HMGCLL1: variants seen among roughly 807,000 people sequenced by gnomAD.
The protein encoded by HMGCLL1 is 3-hydroxy-3-methylglutaryl-CoA lyase like 1, also known as 3-hydroxymethyl-3-methylglutaryl-CoA lyase, cytoplasmic.
A neutral mutation model predicts 39.1 loss-of-function variants in HMGCLL1; 36 were observed. The observed-to-expected ratio is 0.92, with a 90% confidence interval of 0.71 to 1.22. The LOEUF is 1.22. Ranked by LOEUF, HMGCLL1 falls within the 50% of genes most tolerant of loss-of-function variation. The pLI is 0.00. For synonymous variants in HMGCLL1, 149 were observed against 144.0 expected, an observed-to-expected ratio of 1.03 and a Z score of -0.25; for missense variants, 451 against 416.5, an observed-to-expected ratio of 1.08 and a Z score of -0.72.
intron 7 of HMGCLL1, among the ~76,000 whole-genome samples, chr6:55,483,829 G>T (rs1765866253): frequency 1.3e-5 from 2 of 152,046 alleles, no homozygotes; most frequent in African/African-American, 4.8e-5. Flanking sequence ...ATTGTCATGA[G>T]GACAACATAG....
chr6:55,586,049 AT>A, the HMGCLL1 span, among the ~76,000 whole-genome samples: 3 of 152,134 alleles, frequency 2.0e-5, no homozygotes, highest in Non-Finnish European at 4.4e-5. Context: ...TTAATGCTTA[AT>A]AAATACGGGG....
At position 55,435,683 on chromosome 6, in the gene HMGCLL1, T is replaced by A. The variant is rs767353214; in HGVS notation, c.1002A>T (p.Ala334=). 3.1e-5 allele frequency: 50 copies of A among 1,600,334 alleles called. 1 individual carries two copies. In the South Asian group the frequency reaches 5.4e-4, roughly 17 times the overall value. The change falls in exon 9 of 9, where the codon GCA becomes GCT. Residue 334 remains alanine (A), a synonymous_variant. Transcript: ENST00000274901. ...CAAGTCAAGCATTGAAGGAGGCTTG[T>A]GCTACTTTAGAGTTTGTGGTTTTAT... The part of the protein sequence containing the change: ...AVNKTTNSKV[A]QASFNA
At chr6:55,592,513 T>G in the HMGCLL1 span, among the ~76,000 whole-genome samples, 1 of 152,086 alleles carries the variant, frequency 6.6e-6, no homozygotes, top group Non-Finnish European at 1.5e-5. Flanking sequence ...TATTGACATT[T>G]TGGGCTTAAT....
chr6:55,663,128 T>C, the HMGCLL1 span, among the ~76,000 whole-genome samples: 1 of 151,482 alleles, frequency 6.6e-6, no homozygotes, highest in Non-Finnish European at 1.5e-5. Flanking sequence ...AAAAAAAACA[T>C]ACTCCTGAAC....
the HMGCLL1 span, among the ~76,000 whole-genome samples, chr6:55,612,804 T>C: frequency 6.6e-6 from 1 of 152,154 alleles, no homozygotes. Flanking sequence ...TAACTCAAGA[T>C]GGATTAAAGA....
chr6:55,594,520 T>C, the HMGCLL1 span, among the ~76,000 whole-genome samples: 2 of 152,234 alleles, frequency 1.3e-5, no homozygotes, highest in Non-Finnish European at 2.9e-5. Flanking sequence ...AGAATAGAGT[T>C]CTCACTTTAA....
chr6:55,611,759 T>C, the HMGCLL1 span, among the ~76,000 whole-genome samples: 2 of 152,238 alleles, frequency 1.3e-5, no homozygotes, highest in African/African-American at 4.8e-5. Flanking sequence ...GCAACATCTC[T>C]TTATGTTAAA....
At chr6:55,528,207 C>T (rs1704410297) in intron 3 of HMGCLL1, among the ~76,000 whole-genome samples, 1 of 152,022 alleles carries the variant, frequency 6.6e-6, no homozygotes, top group African/African-American at 2.4e-5. Context: ...CTGGATTAGA[C>T]ATAACTGACA....
At chr6:55,563,832 G>C (rs1332739824) in intron 1 of HMGCLL1, 2 of 1,268,154 alleles carry the variant, frequency 1.6e-6, no homozygotes, top group Admixed American at 2.3e-5. Context: ...TAGTAAAAGA[G>C]GGAGAGGTGC....
the HMGCLL1 span, among the ~76,000 whole-genome samples, chr6:55,660,464 C>G: frequency 2.0e-5 from 3 of 151,778 alleles, no homozygotes; most frequent in Non-Finnish European, 4.4e-5. Context: ...TGAAAACATG[C>G]CGTATTTGGT....
chr6:55,546,552 A>C (rs560583683), intron 1 of HMGCLL1, among the ~76,000 whole-genome samples: 15 of 152,250 alleles, frequency 9.9e-5, no homozygotes, highest in South Asian at 6.2e-4. Flanking sequence ...GAGGTGAATC[A>C]TTCAACCAAA....
chr6:55,549,719 T>C (rs999519482), intron 1 of HMGCLL1, among the ~76,000 whole-genome samples: 4 of 151,952 alleles, frequency 2.6e-5, no homozygotes, highest in Non-Finnish European at 4.4e-5. Context: ...TAAATAGTTA[T>C]TTTAATTGAG....
At chr6:55,503,575 T>C (rs1469037525) in intron 5 of HMGCLL1, among the ~76,000 whole-genome samples, 1 of 151,526 alleles carries the variant, frequency 6.6e-6, no homozygotes, top group Non-Finnish European at 1.5e-5. Flanking sequence ...GTTAGCTAAG[T>C]CCTCCATAGT....
At chr6:55,614,177 C>T in the HMGCLL1 span, among the ~76,000 whole-genome samples, 1 of 152,018 alleles carries the variant, frequency 6.6e-6, no homozygotes, top group African/African-American at 2.4e-5. Flanking sequence ...AGGATGTGGA[C>T]TGAATTCTGT....
At chr6:55,449,488 G>A (rs1482962946) in intron 7 of HMGCLL1, among the ~76,000 whole-genome samples, 4 of 152,192 alleles carry the variant, frequency 2.6e-5, no homozygotes, top group Admixed American at 6.5e-5. Flanking sequence ...TTAAATCAGT[G>A]AGAAACAAAC....
At chr6:55,491,654 T>G (rs1224434862) in intron 7 of HMGCLL1, among the ~76,000 whole-genome samples, 1 of 152,138 alleles carries the variant, frequency 6.6e-6, no homozygotes, top group Non-Finnish European at 1.5e-5. Flanking sequence ...AGTTTGTTAA[T>G]TGGCCTTTTA....
the HMGCLL1 span, among the ~76,000 whole-genome samples, chr6:55,644,693 G>T: frequency 6.6e-6 from 1 of 151,804 alleles, no homozygotes; most frequent in East Asian, 1.9e-4. Context: ...CCTTTTTCAA[G>T]TGTGAGTTCA....
intron 1 of HMGCLL1, among the ~76,000 whole-genome samples, chr6:55,553,267 G>A (rs1770465246): frequency 1.3e-5 from 2 of 151,046 alleles, no homozygotes; most frequent in Non-Finnish European, 3.0e-5. Context: ...GTGTGTGTGT[G>A]TGTATGTATG....
chr6:55,436,814 T>A (rs533037194), intron 8 of HMGCLL1, among the ~76,000 whole-genome samples: 474 of 152,198 alleles, frequency 3.1e-3, no homozygotes, highest in Middle Eastern at 0.027. Flanking sequence ...ATTAAAAATA[T>A]TTTGTAAAGT....
Sources: allele counts gnomAD v4.1 joint callset (sites outside exome capture counted in the v4.1 genomes callset), GRCh38; gene constraint gnomAD v4.1.1; transcripts MANE v1.5; gene names NCBI Gene and HGNC (gene_info 2026-07-23, HGNC 2026-07-21).